TDRP: variants seen among roughly 807,000 people sequenced by gnomAD.
TDRP encodes testis development-related protein.
Under a neutral mutation model 10.5 loss-of-function variants are expected in TDRP, and 12 were observed. The ratio of observed to expected loss-of-function variants is 1.15; its 90% CI spans 0.73 to 1.86. The LOEUF is 1.86. TDRP is among the 40% of genes most tolerant of loss of function. TDRP has a pLI of 0.00. For missense variants in TDRP, 353 were observed against 229.2 expected (o/e 1.54, Z -3.49); for synonymous variants, 139 against 95.4 (o/e 1.46, Z -2.67).
chr8:526,184 G>A (rs1317847206), intron 1 of TDRP, among the ~76,000 whole-genome samples: 1 of 152,108 alleles, frequency 6.6e-6, no homozygotes, highest in Non-Finnish European at 1.5e-5. Flanking sequence ...TTTTAGTAGA[G>A]ACAGGGTTTC....
intron 1 of TDRP, among the ~76,000 whole-genome samples, chr8:506,218 G>T (rs1197261000): frequency 6.6e-6 from 1 of 152,134 alleles, no homozygotes; most frequent in Non-Finnish European, 1.5e-5. Flanking sequence ...TGCTCCCAAG[G>T]GCACATAGTA....
intron 1 of TDRP, among the ~76,000 whole-genome samples, chr8:520,423 T>A (rs1421895554): frequency 6.6e-6 from 1 of 152,180 alleles, no homozygotes; most frequent in Non-Finnish European, 1.5e-5. Flanking sequence ...TGTGCAAATC[T>A]CTTTGAGATC....
chr8:512,077 T>C (rs527697419), intron 1 of TDRP, among the ~76,000 whole-genome samples: 7 of 151,626 alleles, frequency 4.6e-5, no homozygotes, highest in East Asian at 3.9e-4. Flanking sequence ...AATTAATCAA[T>C]AGAGAATAAC....
intron 1 of TDRP, among the ~76,000 whole-genome samples, chr8:509,416 G>A (rs1267151303): frequency 6.6e-6 from 1 of 152,184 alleles, no homozygotes; most frequent in African/African-American, 2.4e-5. Flanking sequence ...CTAGCCAGAG[G>A]TTCTCAAACC....
chr8:499,352 C>A (rs1195438346), intron 1 of TDRP, among the ~76,000 whole-genome samples: 1 of 152,166 alleles, frequency 6.6e-6, no homozygotes, highest in Non-Finnish European at 1.5e-5. Flanking sequence ...AGGAATTCCA[C>A]CCTTTGAACA....
At chr8:517,685 A>C (rs918181167) in intron 1 of TDRP, among the ~76,000 whole-genome samples, 1 of 152,194 alleles carries the variant, frequency 6.6e-6, no homozygotes, top group Admixed American at 6.5e-5. Flanking sequence ...GTCCCCCTAA[A>C]ATGTAGAAAA....
chr8:492,386 C>T lies in TDRP; in HGVS notation c.*13G>A. ...GGCCACCATGTCGGGGCACACTTGC[C>T]ACGCAGCCCCCCTCACTCCGCCTCC... On this transcript the variant is annotated 3_prime_UTR_variant, in exon 3 of 3. Coordinates refer to ENST00000324079, the MANE Select transcript of TDRP (RefSeq NM_001384899.1). 1 of 1,493,306 alleles carries T rather than the reference C, an allele frequency of 6.7e-7. No individual in the cohort carries two copies. Among genetic ancestry groups the T allele is most frequent in the Non-Finnish European group, 8.9e-7 (1 of 1,120,150 alleles). 92.5% of individuals were successfully genotyped at this position (1,493,306 alleles called of 1,614,324 possible). A position where few individuals can be genotyped will look rare whatever the true frequency, so the allele number is the denominator to read the frequency against.
At chr8:535,870 G>A (rs1563132783) in intron 1 of TDRP, among the ~76,000 whole-genome samples, 1 of 152,082 alleles carries the variant, frequency 6.6e-6, no homozygotes, top group African/African-American at 2.4e-5. Context: ...GTGAGTGTAG[G>A]GGTGGAACCC....
chr8:510,972 G>C (rs989267784), intron 1 of TDRP, among the ~76,000 whole-genome samples: 2 of 152,146 alleles, frequency 1.3e-5, no homozygotes, highest in Admixed American at 1.3e-4. Flanking sequence ...TAGAAGCAAA[G>C]CTACATCAGG....
chr8:492,661 T>A lies in TDRP; in HGVS notation c.296A>T (p.Gln99Leu). 2 of 1,614,038 alleles carry A rather than the reference T, an allele frequency of 1.2e-6. No individual in the cohort carries two copies. The highest frequency in any genetic ancestry group is 1.7e-6 in the Non-Finnish European group (2 of 1,179,892). Reference sequence around the variant, plus strand: ...TTCAATTTCATCTGGTTTTTTAGACTGTATATTCTGTTTTAAAACCAAATT... The same window carrying A: ...TTCAATTTCATCTGGTTTTTTAGACAGTATATTCTGTTTTAAAACCAAATT... ...WDNLVLKQNI[Q>L]SKKPDEIEGW... Residue 99 changes from glutamine to leucine, a missense_variant, in exon 3 of 3, where the codon CAG (glutamine) becomes CTG (leucine). Physicochemically the swap from Gln to Leu is moderately radical, Grantham distance 113 (BLOSUM62 -2). Transcript: ENST00000324079.
At chr8:529,462 G>C (rs1006543519) in intron 1 of TDRP, among the ~76,000 whole-genome samples, 3 of 152,206 alleles carry the variant, frequency 2.0e-5, no homozygotes, top group South Asian at 4.1e-4. Flanking sequence ...CCCTTTACCA[G>C]AGAGTTTTTT....
chr8:523,749 C>T (rs914445556), intron 1 of TDRP, among the ~76,000 whole-genome samples: 2 of 152,108 alleles, frequency 1.3e-5, no homozygotes, highest in Admixed American at 6.5e-5. Context: ...AGGACTTTGT[C>T]TAGTGGCTGG....
Position 492,082 on chromosome 8 carries a change from AT to A in TDRP, c.*316del. ...TACAACACAGAGCAGCATGAAAATC[AT>A]TTTGTGAGAAACTGCAAATCATTAC... On this transcript the variant is annotated 3_prime_UTR_variant, in exon 3 of 3. Transcript: ENST00000324079. 2 of 1,167,434 alleles carry A rather than the reference AT, an allele frequency of 1.7e-6. No individual in the cohort carries two copies. The highest frequency in any genetic ancestry group is 2.1e-6 in the Non-Finnish European group (2 of 947,750). 72.3% of individuals were successfully genotyped at this position (1,167,434 alleles called of 1,614,324 possible). A position where few individuals can be genotyped will look rare whatever the true frequency, so the allele number is the denominator to read the frequency against.
rs369318999 is a variant in TDRP at position 513,203 on chromosome 8, G to A, written c.109-18606C>T. 8.9e-4 allele frequency among the ~76,000 whole-genome samples: 135 copies of A among 150,878 alleles called. 1 individual carries two copies. Among genetic ancestry groups the A allele is most frequent in the African/African-American group, 3.1e-3 (127 of 41,128 alleles). ...TACCAAAACTAGACAAAGACACCACGAGAAAAGGAAATTATAGACTAGTAT... is the reference window on the plus strand; with the variant it reads ...TACCAAAACTAGACAAAGACACCACAAGAAAAGGAAATTATAGACTAGTAT... On this transcript the variant is annotated intron_variant, in intron 1 of 2. Transcript: ENST00000324079.
At chr8:504,825 A>G (rs1801410268) in intron 1 of TDRP, among the ~76,000 whole-genome samples, 5 of 152,216 alleles carry the variant, frequency 3.3e-5, no homozygotes, top group Admixed American at 3.3e-4. Context: ...CTCTCTGCTC[A>G]TTCACATTTC....
At chr8:529,523 A>C (rs1475132474) in intron 1 of TDRP, among the ~76,000 whole-genome samples, 3 of 152,114 alleles carry the variant, frequency 2.0e-5, no homozygotes, top group African/African-American at 7.2e-5. Context: ...GCTTCAAAGA[A>C]TCTCTTTAGC....
At chr8:521,295 T>C (rs1801897149) in intron 1 of TDRP, among the ~76,000 whole-genome samples, 1 of 148,456 alleles carries the variant, frequency 6.7e-6, no homozygotes, top group Admixed American at 6.7e-5. Flanking sequence ...TGGGCGCCTG[T>C]AGTCCCAGCT....
chr8:538,801 T>C (rs1418391859), intron 1 of TDRP, among the ~76,000 whole-genome samples: 1 of 152,196 alleles, frequency 6.6e-6, no homozygotes, highest in African/African-American at 2.4e-5. Context: ...CAAATTAAAA[T>C]CACATTAAGA....
At chr8:526,337 T>G (rs952401912) in intron 1 of TDRP, among the ~76,000 whole-genome samples, 4 of 152,178 alleles carry the variant, frequency 2.6e-5, no homozygotes, top group Non-Finnish European at 5.9e-5. Context: ...GTCAGTATGA[T>G]ACTAGCTATG....
Sources: gnomAD v4.1 joint callset for allele counts (sites outside exome capture counted in the v4.1 genomes callset) on GRCh38, gnomAD v4.1.1 for gene constraint, MANE v1.5 for transcripts, NCBI Gene and HGNC (gene_info 2026-07-23, HGNC 2026-07-21) for gene names.